Variants in PUF60 observed in about 807,000 individuals in gnomAD.
The protein encoded by PUF60 is poly(U) binding splicing factor 60.
Under a neutral mutation model 61.8 loss-of-function variants are expected in PUF60, and 10 were observed. The observed-to-expected ratio is 0.16, with a 90% confidence interval of 0.10 to 0.27. The LOEUF (loss-of-function observed/expected upper bound fraction) is 0.27, where lower values mean the gene tolerates loss of function less well. Among genes scored for constraint, PUF60 ranks in the 10% least tolerant of loss-of-function variants. The pLI is 1.00. For missense variants in PUF60, 371 were observed against 754.0 expected (o/e 0.49, Z 5.95); for synonymous variants, 353 against 300.9 (o/e 1.17, Z -1.79).
At chr8:143,819,714 A>AC (rs928779504) in intron 5 of PUF60, among the ~76,000 whole-genome samples, 17 of 150,646 alleles carry the variant, frequency 1.1e-4, no homozygotes, top group African/African-American at 2.7e-4. Flanking sequence ...TCAGAGCAAG[A>AC]CCCCCCCAAA....
chr8:143,821,449 C>A (rs1817009323), intron 4 of PUF60, 148 bp downstream of exon 4: 2 of 764,312 alleles, frequency 2.6e-6, no homozygotes, highest in Non-Finnish European at 4.3e-6. Flanking sequence ...CAGAGAGGAC[C>A]CCGGGGGTCC....
chr8:143,828,611 C>T (rs1817921020), intron 1 of PUF60, among the ~76,000 whole-genome samples: 1 of 152,226 alleles, frequency 6.6e-6, no homozygotes, highest in Admixed American at 6.5e-5. Context: ...GAACTGGCTT[C>T]TGGTGCGCAC....
At chr8:143,825,694 C>G (rs1817566062) in intron 1 of PUF60, among the ~76,000 whole-genome samples, 1 of 152,236 alleles carries the variant, frequency 6.6e-6, no homozygotes, top group Non-Finnish European at 1.5e-5. Flanking sequence ...GTTGCCCAAG[C>G]TGGTCTCAAA....
At chr8:143,822,687 C>A (rs1011717608) in intron 2 of PUF60, 2 of 414,816 alleles carry the variant, frequency 4.8e-6, no homozygotes, top group South Asian at 3.4e-5. Context: ...CTGATGCCAA[C>A]CAGGATTATG....
intron 1 of PUF60, among the ~76,000 whole-genome samples, chr8:143,826,730 G>T (rs1438089021): frequency 6.7e-6 from 1 of 148,934 alleles, no homozygotes. Flanking sequence ...CACACAAAAA[G>T]AAAAAAAAAA....
Position 143,817,389 on chromosome 8 carries a change from C to A in PUF60, c.1086G>T (p.Gln362His). The A allele has an allele frequency of 1.3e-6, 2 of 1,593,410 alleles. No homozygotes were observed. The highest frequency in any genetic ancestry group is 1.7e-6 in the Non-Finnish European group (2 of 1,174,296). ...CAGCCTGGGGCAAAGTGCCCAGGGG[C>A]TGGGCCAGGGTCAGTGCTGGGGACA... Reference protein sequence around the residue: ...GLVSPALTLAQPLGTLPQAVM... With the variant: ...GLVSPALTLAHPLGTLPQAVM... Residue 362 changes from glutamine to histidine, a missense_variant, in exon 10 of 12, where the codon CAG becomes CAT. By Grantham distance (24) the Gln-to-His change is conservative. This residue lies in a region of PUF60 where 31 missense variants were observed against 61.6 expected (regional missense o/e 0.50). Coordinates refer to ENST00000526683, the MANE Select transcript of PUF60 (RefSeq NM_078480.3). The surrounding 1 kb of genome is among the most constrained non-coding windows in gnomAD (Gnocchi z 7.4).
intron 5 of PUF60, among the ~76,000 whole-genome samples, chr8:143,819,637 G>C (rs1816787828): frequency 6.6e-6 from 1 of 152,140 alleles, no homozygotes; most frequent in Non-Finnish European, 1.5e-5. Flanking sequence ...TTCAAACCAG[G>C]CATTCCCTGA....
chr8:143,829,144 C>T (rs1227592243), intron 1 of PUF60, 136 bp downstream of exon 1: 4 of 1,204,946 alleles, frequency 3.3e-6, no homozygotes, highest in Non-Finnish European at 4.1e-6. Context: ...CCTCACGCGA[C>T]CCGGGGACAC....
rs764016887 is a variant in PUF60, at chr8:143,817,376, A to G, written c.1099T>C (p.Leu367=). The G allele has an allele frequency of 1.1e-5, 18 of 1,593,454 alleles. 1 individual carries two copies. The South Asian group carries it at 1.9e-4, about 17-fold the overall frequency. Residue 367 remains leucine (L), a synonymous_variant, in exon 10 of 12, where the codon TTG becomes CTG. Coordinates refer to ENST00000526683, the MANE Select transcript of PUF60 (RefSeq NM_078480.3). The surrounding 1 kb of genome is among the most constrained non-coding windows in gnomAD (Gnocchi z 7.4). ...TGGGCAGCCATGACAGCCTGGGGCAAAGTGCCCAGGGGCTGGGCCAGGGTC... is the reference window on the plus strand; with the variant it reads ...TGGGCAGCCATGACAGCCTGGGGCAGAGTGCCCAGGGGCTGGGCCAGGGTC... The part of the protein sequence containing the change: ...ALTLAQPLGT[L]PQAVMAAQAP...
At position 143,817,261 on chromosome 8, in the gene PUF60, C is replaced by T; in HGVS notation, c.1144+70G>A. 1 of 1,538,202 alleles carries T rather than the reference C, an allele frequency of 6.5e-7. No individual in the cohort carries two copies. Among genetic ancestry groups the T allele is most frequent in the African/African-American group, 1.4e-5 (1 of 72,404 alleles). ...TTGTGCCCAGACCACCAGGGCCAGG[C>T]AGCTGAGGGCAGCGAGCCGAGAGAT... On this transcript the variant is annotated intron_variant, in intron 10 of 11. Coordinates refer to ENST00000526683, the MANE Select transcript of PUF60 (RefSeq NM_078480.3). The surrounding 1 kb of genome is among the most constrained non-coding windows in gnomAD (Gnocchi z 7.4).
chr8:143,825,020 G>C (rs572511996), intron 1 of PUF60: 97 of 152,916 alleles, frequency 6.3e-4, no homozygotes, highest in Non-Finnish European at 1.3e-3. Context: ...ACCTAAGGGG[G>C]CACAGGAAGG....
Position 143,817,289 on chromosome 8 carries a change from C to T in PUF60, c.1144+42G>A. 3 of 1,565,238 alleles carry T rather than the reference C, an allele frequency of 1.9e-6. No homozygotes were observed. Among genetic ancestry groups the T allele is most frequent in the Non-Finnish European group, 2.6e-6 (3 of 1,158,794 alleles). On this transcript the variant is annotated intron_variant, in intron 10 of 11. Transcript: ENST00000526683. This position sits in a 1 kb window ranked among gnomAD's most constrained non-coding sequence, Gnocchi z 7.4. ...CTGAGGGCAGCGAGCCGAGAGATGC[C>T]AGGACAGGAGAGGAGAGGATCTGGT...
In PUF60 at chr8:143,817,205, C is replaced by A; in HGVS notation, c.1145-60G>T. 1 of 1,531,836 alleles carries A rather than the reference C, an allele frequency of 6.5e-7. No homozygotes were observed. Among genetic ancestry groups the A allele is most frequent in the South Asian group, 1.3e-5 (1 of 79,106 alleles). The allele number at this position is 1,531,836 out of a possible 1,614,324, so 94.9% of individuals were successfully genotyped here. On this transcript the variant is annotated intron_variant, in intron 10 of 11. Coordinates refer to ENST00000526683, the MANE Select transcript of PUF60 (RefSeq NM_078480.3). The surrounding 1 kb of genome is among the most constrained non-coding windows in gnomAD (Gnocchi z 7.4). ...CCTACCACCCCCCTTCCCAGAAAGGCACAGAGCTGGCCTGCCCTGGGCTCA... is the reference window on the plus strand; with the variant it reads ...CCTACCACCCCCCTTCCCAGAAAGGAACAGAGCTGGCCTGCCCTGGGCTCA...
At chr8:143,819,615 G>A (rs539504967) in intron 5 of PUF60, among the ~76,000 whole-genome samples, 5 of 152,320 alleles carry the variant, frequency 3.3e-5, no homozygotes, top group African/African-American at 1.2e-4. Context: ...TTCCCAAGGT[G>A]AGATATCTTC....
At chr8:143,821,239 C>A (rs925930800) in intron 4 of PUF60, 21 of 468,544 alleles carry the variant, frequency 4.5e-5, no homozygotes, top group Middle Eastern at 5.7e-4. Context: ...GCCACGGGGG[C>A]AGGGAGGCCC....
intron 1 of PUF60, among the ~76,000 whole-genome samples, chr8:143,826,858 C>A (rs545558192): frequency 6.6e-6 from 1 of 152,316 alleles, no homozygotes; most frequent in Non-Finnish European, 1.5e-5. Flanking sequence ...TCCCAACACG[C>A]CCCCAACCCC....
At chr8:143,828,431 G>A (rs1055391231) in intron 1 of PUF60, among the ~76,000 whole-genome samples, 2 of 152,256 alleles carry the variant, frequency 1.3e-5, no homozygotes, top group African/African-American at 2.4e-5. Context: ...TGGTGAGAAG[G>A]AAAGACCAGA....
intron 4 of PUF60, 107 bp downstream of exon 4, chr8:143,821,490 G>C (rs767760910): frequency 1.9e-6 from 2 of 1,060,516 alleles, no homozygotes; most frequent in Non-Finnish European, 2.8e-6. Context: ...TCGGAGCACT[G>C]TAACAGCTTG....
At chr8:143,822,561 C>A (rs1309587805) in intron 2 of PUF60, 4 of 456,656 alleles carry the variant, frequency 8.8e-6, no homozygotes, top group South Asian at 4.6e-5. Flanking sequence ...CACACTCTTG[C>A]ATGGGCTTTG....
Sources: allele counts gnomAD v4.1 joint callset (sites outside exome capture counted in the v4.1 genomes callset), GRCh38; gene constraint gnomAD v4.1.1; regional missense constraint gnomAD v4.1.1; non-coding constraint Gnocchi (gnomAD v3.1); transcripts MANE v1.5; gene names NCBI Gene and HGNC (gene_info 2026-07-23, HGNC 2026-07-21).